Variants in PIGV observed in about 807,000 individuals in gnomAD.
PIGV encodes the protein phosphatidylinositol glycan anchor biosynthesis class V.
A neutral mutation model predicts 39.2 loss-of-function variants in PIGV; 27 were observed. The ratio of observed to expected loss-of-function variants is 0.69; its 90% CI spans 0.51 to 0.95. The LOEUF (loss-of-function observed/expected upper bound fraction) is 0.95. Ranked by LOEUF, PIGV falls within the 40% of genes least tolerant of loss-of-function variation. The pLI is 0.00. For synonymous variants in PIGV, 232 were observed against 241.7 expected, an observed-to-expected ratio of 0.96 and a Z score of 0.37; for missense variants, 523 against 586.4, an observed-to-expected ratio of 0.89 and a Z score of 1.12.
chr1:26,788,662 T>TTAAG (rs1390949197), intron 1 of PIGV: 1 of 152,206 alleles, frequency 6.6e-6, no homozygotes, highest in Non-Finnish European at 1.5e-5. Flanking sequence ...GACAGCCTCT[T>TTAAG]TAAGTAGCCC....
At position 26,792,158 on chromosome 1, in the gene PIGV, CT is replaced by C. The variant is rs374385073; in HGVS notation, c.78+1276del. Among the ~76,000 whole-genome samples, 722 of 147,156 alleles carry C rather than the reference CT, an allele frequency of 4.9e-3. 2 individuals are homozygous for C. The highest frequency in any genetic ancestry group is 0.016 in the African/African-American group (656 of 40,360). ...CTGATGATCTAATAGGGCAAAAAGACTTTTTTTTTTTGAGACAGAGTCTCGC... is the reference window on the plus strand; with the variant it reads ...CTGATGATCTAATAGGGCAAAAAGACTTTTTTTTTTGAGACAGAGTCTCGC... On this transcript the variant is annotated intron_variant, in intron 2 of 3. Coordinates refer to ENST00000674202, the MANE Select transcript of PIGV (RefSeq NM_017837.4).
At chr1:26,796,260 C>T (rs1411668118) in intron 3 of PIGV, among the ~76,000 whole-genome samples, 3 of 151,396 alleles carry the variant, frequency 2.0e-5, no homozygotes, top group Non-Finnish European at 4.4e-5. Flanking sequence ...GCTCCACCTC[C>T]CAGGTTCACG....
Position 26,794,814 on chromosome 1 carries a change from C to CA in PIGV, c.781dup (p.Thr261AsnfsTer14), listed in dbSNP as rs1418108487. ...TTGCCCTCTTTCAGTATTATGCCTACACCCAATTCTGTCTGCCAGGCTCAG... is the reference window on the plus strand; with the variant it reads ...TTGCCCTCTTTCAGTATTATGCCTACAACCCAATTCTGTCTGCCAGGCTCAG... On this transcript the variant is annotated frameshift_variant, in exon 3 of 4. Coordinates refer to ENST00000674202, the MANE Select transcript of PIGV (RefSeq NM_017837.4). LOFTEE classifies it high-confidence loss of function. The CA allele has an allele frequency of 2.5e-6, 4 of 1,613,914 alleles. No individual in the cohort carries two copies. The highest frequency in any genetic ancestry group is 1.7e-4 in the Middle Eastern group (1 of 6,060).
intron 1 of PIGV, 142 bp downstream of exon 1, chr1:26,788,410 C>G (rs529666775): frequency 6.6e-6 from 1 of 152,308 alleles, no homozygotes; most frequent in Non-Finnish European, 1.5e-5. Flanking sequence ...AGCGACTTCT[C>G]CAGCCTGCGC....
chr1:26,790,571 G>A (rs945111000), intron 1 of PIGV, among the ~76,000 whole-genome samples, 188 bp from the exon 2 acceptor site: 2 of 152,168 alleles, frequency 1.3e-5, no homozygotes, highest in Admixed American at 6.5e-5. Context: ...CTTTACCAAC[G>A]ACAGTTCAGG....
chr1:26,787,148 A>G (rs2081247832), upstream of PIGV, among the ~76,000 whole-genome samples: 2 of 152,232 alleles, frequency 1.3e-5, no homozygotes, highest in Non-Finnish European at 2.9e-5. Context: ...AAATCCACCA[A>G]CGGAGAAGGA....
rs1430286706 is a variant in PIGV, at chr1:26,794,231, G to A, written c.197G>A (p.Trp66Ter). 1.9e-6 allele frequency: 3 copies of A among 1,614,096 alleles called. No homozygotes were observed. Among genetic ancestry groups the A allele is most frequent in the East Asian group, 4.5e-5 (2 of 44,898 alleles). The change falls in exon 3 of 4, where the codon TGG becomes TAG. Residue 66 changes from tryptophan to a stop codon, truncating the protein, a stop_gained. Coordinates refer to ENST00000674202, the MANE Select transcript of PIGV (RefSeq NM_017837.4). LOFTEE classifies it high-confidence loss of function. The stretch of plus-strand genomic sequence containing the variant: ...GGTCTTCTGGGCGGCCTGTCTCACT[G>A]GGATGCTGAACACTTCTTGTTCATT... The part of the protein sequence containing the change: ...VEGLLGGLSH[W>*]DAEHFLFIAE...
chr1:26,787,714 GAGAC>G (rs763195051), upstream of PIGV: 11 of 152,576 alleles, frequency 7.2e-5, no homozygotes, highest in Non-Finnish European at 1.5e-4. Context: ...CACTGACTCT[GAGAC>G]AGCAGCCTCC....
upstream of PIGV, chr1:26,787,897 T>G (rs2124170164): frequency 6.6e-6 from 1 of 152,376 alleles, no homozygotes; most frequent in East Asian, 1.9e-4. Context: ...GAGGCGGGGC[T>G]GCTCCAAGTC....
intron 3 of PIGV, among the ~76,000 whole-genome samples, chr1:26,795,437 G>T (rs1296070082): frequency 6.6e-6 from 1 of 152,128 alleles, no homozygotes; most frequent in African/African-American, 2.4e-5. Flanking sequence ...TTGCGGCCAG[G>T]CGCGGTGGCT....
chr1:26,790,962 C>A, intron 2 of PIGV, 69 bp downstream of exon 2: 2 of 1,278,868 alleles, frequency 1.6e-6, no homozygotes, highest in Non-Finnish European at 2.3e-6. Context: ...AAGAAGTGTC[C>A]CCATCTCCTT....
rs1245674512 is a variant in PIGV, at chr1:26,800,514, G to GA, written c.*2675dup. ...TGACATACCTTTACCAGTCCTCCTGGAAAAATGTTACTTTTATTGAATAGA... is the reference window on the plus strand; with the variant it reads ...TGACATACCTTTACCAGTCCTCCTGGAAAAAATGTTACTTTTATTGAATAGA... On this transcript the variant is annotated 3_prime_UTR_variant, in exon 4 of 4. Transcript: ENST00000674202. Among the ~76,000 whole-genome samples, 5 of 152,228 alleles carry GA rather than the reference G, an allele frequency of 3.3e-5. No homozygotes were observed. Among genetic ancestry groups the GA allele is most frequent in the African/African-American group, 1.2e-4 (5 of 41,544 alleles).
chr1:26,796,077 C>G (rs184033452), intron 3 of PIGV, among the ~76,000 whole-genome samples: 166 of 151,164 alleles, frequency 1.1e-3, no homozygotes, highest in African/African-American at 3.9e-3. Context: ...CCAGGCTGGT[C>G]TCGAAATCCT....
intron 3 of PIGV, among the ~76,000 whole-genome samples, chr1:26,796,429 A>G (rs1157385964): frequency 2.6e-5 from 4 of 152,104 alleles, no homozygotes; most frequent in African/African-American, 7.2e-5. Context: ...TGGCCTCCCA[A>G]AGTGTTGGGA....
At position 26,789,021 on chromosome 1, in the gene PIGV, AGTG is replaced by A. The variant is rs1256343273; in HGVS notation, c.-58+755_-58+757del. 3 of 152,262 alleles carry A rather than the reference AGTG, an allele frequency of 2.0e-5. No homozygotes were observed. The East Asian group carries it at 5.8e-4, about 29-fold the overall frequency. The allele number at this position is 152,262 out of a possible 1,614,324, so 9.4% of individuals were successfully genotyped here. On this transcript the variant is annotated intron_variant, in intron 1 of 3. Transcript: ENST00000674202. ...GAAAGGAAGAATGCAAGCATGGTCA[AGTG>A]GCAGAGGTGGGTTAGGTGCTTTTCT...
intron 3 of PIGV, 43 bp downstream of exon 3, chr1:26,795,277 A>C (rs199550297): frequency 1.2e-6 from 2 of 1,610,046 alleles, no homozygotes; most frequent in African/African-American, 1.3e-5. Flanking sequence ...GAATACAGGC[A>C]AAACCCCTTG....
In PIGV at chr1:26,794,414, T is replaced by C. The variant is rs1450982775; in HGVS notation, c.380T>C (p.Phe127Ser). The change falls in exon 3 of 4, where the codon TTC (phenylalanine) becomes TCC (serine). Residue 127 changes from phenylalanine to serine, a missense_variant. Transcript: ENST00000674202. Reference protein sequence around the residue: ...ISVASLNFLFFMLAAVALHDL... With the variant: ...ISVASLNFLFSMLAAVALHDL... The stretch of plus-strand genomic sequence containing the variant: ...GTAGCATCACTCAATTTCTTGTTCT[T>C]CATGTTGGCTGCAGTTGCACTTCAT... 6.2e-7 allele frequency: 1 copy of C among 1,614,260 alleles called. No homozygotes were observed. Among genetic ancestry groups the C allele is most frequent in the Non-Finnish European group, 8.5e-7 (1 of 1,180,036 alleles).
chr1:26,790,997 A>G (rs2124181745), intron 2 of PIGV, 104 bp downstream of exon 2: 1 of 933,294 alleles, frequency 1.1e-6, no homozygotes, highest in Middle Eastern at 2.3e-4. Flanking sequence ...GTGCCCCTCC[A>G]TGTGGTTGGA....
intron 3 of PIGV, among the ~76,000 whole-genome samples, chr1:26,795,627 T>C (rs1420075177): frequency 2.0e-5 from 3 of 148,474 alleles, no homozygotes; most frequent in African/African-American, 7.4e-5. Flanking sequence ...AGAAAATTGC[T>C]TGAACCCGGG....
Sources: allele counts gnomAD v4.1 joint callset (sites outside exome capture counted in the v4.1 genomes callset), GRCh38; gene constraint gnomAD v4.1.1; transcripts MANE v1.5; gene names NCBI Gene and HGNC (gene_info 2026-07-23, HGNC 2026-07-21).